SAMSN1: variants seen among roughly 807,000 people sequenced by gnomAD.
SAMSN1 encodes the protein SAM domain, SH3 domain and nuclear localization signals 1.
A neutral mutation model predicts 42.0 loss-of-function variants in SAMSN1; 31 were observed. That is an observed-to-expected ratio of 0.74 (90% CI 0.55 to 1.00). The LOEUF is 1.00. Ranked by LOEUF, SAMSN1 falls within the 50% of genes least tolerant of loss-of-function variation. SAMSN1 has a pLI of 0.00. For missense variants in SAMSN1, 464 were observed against 439.4 expected, an observed-to-expected ratio of 1.06 and a Z score of -0.50; for synonymous variants, 178 against 151.9, an observed-to-expected ratio of 1.17 and a Z score of -1.26.
chr21:14,491,091 A>G (rs1986665822), intron 7 of SAMSN1, among the ~76,000 whole-genome samples: 1 of 152,184 alleles, frequency 6.6e-6, no homozygotes, highest in African/African-American at 2.4e-5. Flanking sequence ...GTCACACATT[A>G]TTTAATTAGG....
rs747901676 is a variant in SAMSN1 at position 14,500,740 on chromosome 21, G to A, written c.562-5C>T. On this transcript the variant is annotated splice_polypyrimidine_tract_variant and splice_region_variant and intron_variant, in intron 5 of 7. Coordinates refer to ENST00000400566, the MANE Select transcript of SAMSN1 (RefSeq NM_022136.5). ...AATGTCTATGATGTCTCCTTTCTAA[G>A]GGCAAAGAAATCCATACACATTAGA... The A allele has an allele frequency of 1.2e-6, 2 of 1,605,684 alleles. No individual in the cohort carries two copies. The highest frequency in any genetic ancestry group is 2.7e-5 in the African/African-American group (2 of 74,668).
At chr21:14,497,531 G>A (rs1002861261) in intron 7 of SAMSN1, among the ~76,000 whole-genome samples, 2 of 152,178 alleles carry the variant, frequency 1.3e-5, no homozygotes, top group African/African-American at 2.4e-5. Flanking sequence ...GGCGGAGGTC[G>A]CGGTGAGCCG....
intron 5 of SAMSN1, among the ~76,000 whole-genome samples, chr21:14,502,798 C>T (rs1987226185): frequency 6.6e-6 from 1 of 152,204 alleles, no homozygotes; most frequent in South Asian, 2.1e-4. Context: ...ATTTTTAATT[C>T]TCCAGTTGAG....
intron 1 of SAMSN1, among the ~76,000 whole-genome samples, chr21:14,647,672 T>C (rs1423878888): frequency 7.2e-6 from 1 of 139,250 alleles, no homozygotes; most frequent in East Asian, 2.1e-4. Context: ...TGAGCATTGG[T>C]TTGTAGTTCT....
chr21:14,544,278 T>A (rs181452522), intron 1 of SAMSN1, among the ~76,000 whole-genome samples: 1 of 152,318 alleles, frequency 6.6e-6, no homozygotes, highest in East Asian at 1.9e-4. Context: ...CTGGAACTCC[T>A]GAACTCAAGT....
intron 3 of SAMSN1, among the ~76,000 whole-genome samples, chr21:14,514,127 A>G (rs1600880735): frequency 6.6e-6 from 1 of 152,152 alleles, no homozygotes; most frequent in Non-Finnish European, 1.5e-5. Flanking sequence ...GTAATGGAAA[A>G]CTTTAGTATA....
intron 1 of SAMSN1, among the ~76,000 whole-genome samples, chr21:14,538,828 G>C (rs546093554): frequency 6.6e-6 from 1 of 152,138 alleles, no homozygotes; most frequent in African/African-American, 2.4e-5. Flanking sequence ...GTCTCATTTA[G>C]TATGCACTTT....
chr21:14,616,708 A>G (rs1327361013), intron 2 of SAMSN1, among the ~76,000 whole-genome samples: 1 of 152,184 alleles, frequency 6.6e-6, no homozygotes, highest in Non-Finnish European at 1.5e-5. Context: ...GAATATCTAC[A>G]TGAAAGGCAA....
At chr21:14,502,522 T>C (rs1347913739) in intron 5 of SAMSN1, among the ~76,000 whole-genome samples, 1 of 152,164 alleles carries the variant, frequency 6.6e-6, no homozygotes, top group Non-Finnish European at 1.5e-5. Context: ...GTATTTCAAT[T>C]TTCATGGGTA....
chr21:14,637,212 T>C (rs1983490737), intron 2 of SAMSN1, among the ~76,000 whole-genome samples: 1 of 152,228 alleles, frequency 6.6e-6, no homozygotes, highest in Admixed American at 6.5e-5. Flanking sequence ...TGAGATTTTT[T>C]TCGCTGGGAC....
chr21:14,616,407 G>A (rs1327015442), intron 2 of SAMSN1, among the ~76,000 whole-genome samples: 2 of 152,092 alleles, frequency 1.3e-5, no homozygotes, highest in African/African-American at 2.4e-5. Flanking sequence ...AAACCAAGGA[G>A]AGAGACACAT....
At position 14,561,599 on chromosome 21, in the gene SAMSN1, G is replaced by A. The variant is rs1025566100; in HGVS notation, c.261+20537C>T. On this transcript the variant is annotated intron_variant, in intron 2 of 8. Transcript: ENST00000285670. ...AAGCATTTGGATGGCATGTGTTATG[G>A]GTTGAACTATATGGCCAAAAAAGAT... Among the ~76,000 whole-genome samples, 7 of 152,234 alleles carry A rather than the reference G, an allele frequency of 4.6e-5. No individual in the cohort carries two copies. In the South Asian group the frequency reaches 1.5e-3, roughly 32 times the overall value.
exon 2 of SAMSN1, chr21:14,582,360 C>A (rs202239654): frequency 1.3e-6 from 2 of 1,549,888 alleles, no homozygotes; most frequent in Non-Finnish European, 1.7e-6. Flanking sequence ...CTGGATCTAC[C>A]CAGTGATGCA....
chr21:14,487,000 T>G (rs918513517), intron 7 of SAMSN1, among the ~76,000 whole-genome samples: 7 of 152,204 alleles, frequency 4.6e-5, no homozygotes, highest in Non-Finnish European at 1.0e-4. Flanking sequence ...TGTGGTTTCT[T>G]GATGGGTGTT....
At chr21:14,550,203 G>A (rs1371958032), upstream of SAMSN1, among the ~76,000 whole-genome samples, 1 of 152,030 alleles carries the variant, frequency 6.6e-6, no homozygotes, top group Non-Finnish European at 1.5e-5. Flanking sequence ...GAAGTGGGGG[G>A]ACCGTTTCTT....
rs763765584 is a variant in SAMSN1, at chr21:14,612,623, A to G, written c.235+253T>C. The G allele has an allele frequency of 2.4e-5, 13 of 552,486 alleles. 1 individual carries two copies. Among genetic ancestry groups the G allele is most frequent in the South Asian group, 2.0e-4 (13 of 65,182 alleles). 34.2% of individuals were successfully genotyped at this position (552,486 alleles called of 1,614,324 possible). ...TGGAGAGCTGGAAGATGAGCAGCCA[A>G]TGAACTACCAAAGAGGATTATTCTG... is the stretch of plus-strand genomic sequence containing the variant. On this transcript the variant is annotated intron_variant, in intron 4 of 15. Coordinates refer to the SAMSN1 transcript ENST00000647101.
At chr21:14,610,460 A>G (rs1276162319) in intron 4 of SAMSN1, among the ~76,000 whole-genome samples, 1 of 152,244 alleles carries the variant, frequency 6.6e-6, no homozygotes, top group African/African-American at 2.4e-5. Context: ...TTCATTAGTG[A>G]TTCTAGTTTC....
intron 1 of SAMSN1, among the ~76,000 whole-genome samples, chr21:14,545,571 C>T (rs1487628707): frequency 6.6e-6 from 1 of 151,572 alleles, no homozygotes; most frequent in Admixed American, 6.6e-5. Flanking sequence ...ATTGCCAAGA[C>T]AAAGAACAGA....
At chr21:14,651,951 G>A (rs2123397128) in intron 1 of SAMSN1, among the ~76,000 whole-genome samples, 1 of 151,948 alleles carries the variant, frequency 6.6e-6, no homozygotes, top group East Asian at 1.9e-4. Flanking sequence ...ATCCCAAAGT[G>A]AAAGATCTCT....
Sources: gnomAD v4.1 joint callset for allele counts (sites outside exome capture counted in the v4.1 genomes callset) on GRCh38, gnomAD v4.1.1 for gene constraint, MANE v1.5 for transcripts, NCBI Gene and HGNC (gene_info 2026-07-23, HGNC 2026-07-21) for gene names.